Variants in MYH10 observed in about 807,000 individuals in gnomAD.
The protein encoded by MYH10 is myosin-10.
MYH10 carries 55 observed loss-of-function variants against 257.8 expected under a neutral mutation model. The ratio of observed to expected loss-of-function variants is 0.21; its 90% CI spans 0.17 to 0.27. The LOEUF (loss-of-function observed/expected upper bound fraction) is 0.27. MYH10 is among the 10% of genes least tolerant of loss of function. The pLI is 1.00. For missense variants in MYH10, 1,631 were observed against 2,500.6 expected (o/e 0.65, Z 7.42); for synonymous variants, 854 against 921.7 (o/e 0.93, Z 1.33).
At chr17:8,546,407 A>C in intron 12 of MYH10, 137 bp downstream of exon 12, 1 of 642,552 alleles carries the variant, frequency 1.6e-6, no homozygotes, top group Non-Finnish European at 2.5e-6. Flanking sequence ...TTAAAAAAAA[A>C]AAACTCATTT....
intron 3 of MYH10, among the ~76,000 whole-genome samples, chr17:8,597,240 A>G (rs1049411907): frequency 1.3e-5 from 2 of 152,150 alleles, no homozygotes; most frequent in African/African-American, 2.4e-5. Context: ...TCAGGAAGAT[A>G]TGGGGAGGGT....
chr17:8,553,823 CA>C (rs1224228754), intron 8 of MYH10, 131 bp downstream of exon 8: 1 of 692,384 alleles, frequency 1.4e-6, no homozygotes, highest in Non-Finnish European at 2.5e-6. Flanking sequence ...AGTATTTGAA[CA>C]AGGCATGCTA....
intron 37 of MYH10, among the ~76,000 whole-genome samples, chr17:8,483,390 C>T (rs995652462): frequency 2.6e-5 from 4 of 152,134 alleles, no homozygotes; most frequent in Non-Finnish European, 4.4e-5. Context: ...CTCTCAGGGT[C>T]GGCTCCGTGT....
At chr17:8,621,255 T>C (rs2085457887) in intron 2 of MYH10, among the ~76,000 whole-genome samples, 1 of 152,132 alleles carries the variant, frequency 6.6e-6, no homozygotes, top group Admixed American at 6.5e-5. Flanking sequence ...CATGTCGACA[T>C]TACAATCTGA....
chr17:8,486,518 A>C (rs1399044635), intron 36 of MYH10, among the ~76,000 whole-genome samples: 1 of 150,268 alleles, frequency 6.7e-6, no homozygotes, highest in Non-Finnish European at 1.5e-5. Flanking sequence ...AAAAAAAACA[A>C]AAAAAAAATC....
At chr17:8,488,215 CTG>C (rs1333716916) in intron 35 of MYH10, among the ~76,000 whole-genome samples, 3 of 152,212 alleles carry the variant, frequency 2.0e-5, no homozygotes, top group Non-Finnish European at 2.9e-5. Flanking sequence ...CTCACTCACT[CTG>C]TGGCACTCTT....
chr17:8,503,057 C>A (rs188399454), intron 28 of MYH10, among the ~76,000 whole-genome samples: 1 of 152,126 alleles, frequency 6.6e-6, no homozygotes, highest in Admixed American at 6.6e-5. Flanking sequence ...CCAAGGCGGG[C>A]GGATCACCTG....
chr17:8,629,183 A>C (rs2085796820), intron 1 of MYH10, among the ~76,000 whole-genome samples: 1 of 152,254 alleles, frequency 6.6e-6, no homozygotes, highest in South Asian at 2.1e-4. Flanking sequence ...TACTATCAAG[A>C]ATAATTAAAC....
At chr17:8,508,265 G>C (rs531706102) in intron 26 of MYH10, among the ~76,000 whole-genome samples, 86 of 152,064 alleles carry the variant, frequency 5.7e-4, no homozygotes, top group Admixed American at 1.4e-3. Flanking sequence ...ACTACGCCAG[G>C]CTAATTTGTA....
intron 1 of MYH10, among the ~76,000 whole-genome samples, 166 bp downstream of exon 1, chr17:8,630,488 C>CCTACAGCTCAGAAGCCCCTCTGTCTT (rs1296204810): frequency 6.6e-6 from 1 of 152,130 alleles, no homozygotes; most frequent in African/African-American, 2.4e-5. Flanking sequence ...CAGCACAAAC[C>CCTACAGCTCAGAAGCCCCTCTGTCTT]CTACAGCTCA....
chr17:8,548,592 T>C, intron 10 of MYH10, 52 bp downstream of exon 10: 1 of 1,585,310 alleles, frequency 6.3e-7, no homozygotes, highest in Non-Finnish European at 8.6e-7. Context: ...TTACCCCAGA[T>C]GTATAAGTCT....
chr17:8,489,745 A>ACACACACACACACACACCCC (rs1258993754), intron 35 of MYH10, among the ~76,000 whole-genome samples: 1 of 150,700 alleles, frequency 6.6e-6, no homozygotes, highest in Non-Finnish European at 1.5e-5. Flanking sequence ...ACACACACAC[A>ACACACACACACACACACCCC]CCCCAAATCC....
intron 35 of MYH10, among the ~76,000 whole-genome samples, chr17:8,489,867 A>G (rs764765307): frequency 1.5e-4 from 23 of 152,250 alleles, no homozygotes; most frequent in Non-Finnish European, 2.9e-4. Context: ...TCTAATATAC[A>G]TTCAGAAAAG....
At position 8,492,446 on chromosome 17, in the gene MYH10, C is replaced by G; in HGVS notation, c.4522G>C (p.Glu1508Gln). ...GCTTTGGTTTCTTTCTCTCTGGCCTCGGCTTCGGCCCGGTCCCGCTCTTCG... is the reference window on the plus strand; with the variant it reads ...GCTTTGGTTTCTTTCTCTCTGGCCTGGGCTTCGGCCCGGTCCCGCTCTTCG... ...YAEERDRAEA[E>Q]AREKETKALS... The change falls in exon 34 of 43, where the codon GAG becomes CAG. Residue 1508 changes from glutamate (E) to glutamine (Q), a missense_variant. Coordinates refer to ENST00000360416, the MANE Select transcript of MYH10 (RefSeq NM_001256012.3). 6.2e-7 allele frequency: 1 copy of G among 1,612,786 alleles called. No individual in the cohort carries two copies. Among genetic ancestry groups the G allele is most frequent in the Non-Finnish European group, 8.5e-7 (1 of 1,180,020 alleles).
chr17:8,527,281 G>A (rs1301095632), intron 17 of MYH10, among the ~76,000 whole-genome samples: 1 of 152,164 alleles, frequency 6.6e-6, no homozygotes. Flanking sequence ...AGGTTGACAG[G>A]AAGCACATGA....
chr17:8,525,538 C>G (rs1444904709), intron 17 of MYH10, among the ~76,000 whole-genome samples: 6 of 152,192 alleles, frequency 3.9e-5, no homozygotes, highest in Non-Finnish European at 7.3e-5. Context: ...ACCAGAAGAA[C>G]AAATCACCAC....
Position 8,480,281 on chromosome 17 carries a change from C to T in MYH10, c.5426G>A (p.Ser1809Asn), listed in dbSNP as rs1913476598. ...TGCATTGTCACTCTTCTGGGCGGCG[C>T]TGCGCTCGGCTGCTAGCTCGGCGTT... Reference protein sequence around the residue: ...TLNAELAAERSAAQKSDNARQ... With the variant: ...TLNAELAAERNAAQKSDNARQ... The change falls in exon 40 of 43, where the codon AGC (serine) becomes AAC (asparagine). Residue 1809 changes from serine (S) to asparagine (N), a missense_variant. Coordinates refer to ENST00000360416, the MANE Select transcript of MYH10 (RefSeq NM_001256012.3). 2 of 1,614,134 alleles carry T rather than the reference C, an allele frequency of 1.2e-6. No individual in the cohort carries two copies. The highest frequency in any genetic ancestry group is 1.7e-6 in the Non-Finnish European group (2 of 1,180,038).
chr17:8,536,743 G>C (rs2082151103), intron 14 of MYH10, among the ~76,000 whole-genome samples: 2 of 151,426 alleles, frequency 1.3e-5, no homozygotes, highest in Non-Finnish European at 1.5e-5. Flanking sequence ...AGGTTGCAGT[G>C]AGCCGAGATG....
In MYH10 at chr17:8,589,189, A is replaced by C. The variant is rs2152045908; in HGVS notation, c.503-81T>G. On this transcript the variant is annotated intron_variant, in intron 3 of 42. Transcript: ENST00000360416. ...AAAATATTTGATATAATAAAGTTGC[A>C]GTAATAGCCTATAAAATATTAGTAA... 3 of 1,423,858 alleles carry C rather than the reference A, an allele frequency of 2.1e-6. No individual in the cohort carries two copies. The South Asian group carries it at 3.6e-5, about 17-fold the overall frequency. The allele number at this position is 1,423,858 out of a possible 1,614,324, so 88.2% of individuals were successfully genotyped here. A position where few individuals can be genotyped will look rare whatever the true frequency, so the allele number is the denominator to read the frequency against.
Sources: gnomAD v4.1 joint callset for allele counts (sites outside exome capture counted in the v4.1 genomes callset) on GRCh38, gnomAD v4.1.1 for gene constraint, MANE v1.5 for transcripts, NCBI Gene and HGNC (gene_info 2026-07-23, HGNC 2026-07-21) for gene names.